Variants in SDCCAG8 observed in about 807,000 individuals in gnomAD.
The protein encoded by SDCCAG8 is SHH signaling and ciliogenesis regulator SDCCAG8.
A neutral mutation model predicts 101.8 loss-of-function variants in SDCCAG8; 74 were observed. That is an observed-to-expected ratio of 0.73 (90% CI 0.60 to 0.88). The LOEUF is 0.88. Ranked by LOEUF, SDCCAG8 falls within the 40% of genes least tolerant of loss-of-function variation. The probability of loss-of-function intolerance (pLI) is 0.00; values close to 1 mark genes in which losing one functional copy is unlikely to be tolerated. For missense variants in SDCCAG8, 787 were observed against 822.6 expected, an observed-to-expected ratio of 0.96 and a Z score of 0.53; for synonymous variants, 281 against 292.9, an observed-to-expected ratio of 0.96 and a Z score of 0.41.
At chr1:243,272,665 T>G (rs2068190773) in intron 3 of SDCCAG8, among the ~76,000 whole-genome samples, 1 of 152,208 alleles carries the variant, frequency 6.6e-6, no homozygotes, top group Non-Finnish European at 1.5e-5. Context: ...AGAATCAGTT[T>G]AGTACATACA....
At chr1:243,282,313 A>G (rs1253364364) in intron 4 of SDCCAG8, among the ~76,000 whole-genome samples, 2 of 152,154 alleles carry the variant, frequency 1.3e-5, no homozygotes, top group Admixed American at 1.3e-4. Context: ...CACTTCTTGA[A>G]TAGTATAAAT....
At chr1:243,460,240 C>T (rs988299059) in intron 16 of SDCCAG8, among the ~76,000 whole-genome samples, 2 of 152,098 alleles carry the variant, frequency 1.3e-5, no homozygotes, top group Admixed American at 1.3e-4. Flanking sequence ...AATATAGAAG[C>T]CTCTATTGAG....
rs76259484 is a variant in SDCCAG8, at chr1:243,456,099, C to G, written c.1985+29541C>G. 5.0e-3 allele frequency among the ~76,000 whole-genome samples: 762 copies of G among 152,214 alleles called. 10 individuals carry two copies. Among genetic ancestry groups the G allele is most frequent in the African/African-American group, 0.017 (719 of 41,526 alleles). ...GTTCAGTCTCCATCATCCTAGTTTT[C>G]TGGATCTTCCAACTCCTTATTCATC... On this transcript the variant is annotated intron_variant, in intron 16 of 17. Transcript: ENST00000366541.
chr1:243,473,070 C>T (rs1017611504), intron 16 of SDCCAG8, among the ~76,000 whole-genome samples: 8 of 151,212 alleles, frequency 5.3e-5, no homozygotes, highest in African/African-American at 1.9e-4. Context: ...ACTTTGTCTT[C>T]CGAGTTTAGG....
intron 16 of SDCCAG8, among the ~76,000 whole-genome samples, chr1:243,432,524 C>A (rs1215251759): frequency 1.1e-4 from 16 of 151,958 alleles, no homozygotes; most frequent in Non-Finnish European, 2.2e-4. Flanking sequence ...TACCCCTGAA[C>A]TTAAAAGTTT....
chr1:243,324,359 G>A (rs536419154), intron 9 of SDCCAG8, among the ~76,000 whole-genome samples: 73 of 151,358 alleles, frequency 4.8e-4, no homozygotes, highest in Middle Eastern at 3.2e-3. Context: ...CAGTTCCCAA[G>A]GTCTTTCTCT....
At chr1:243,323,319 A>C (rs754862169) in intron 9 of SDCCAG8, among the ~76,000 whole-genome samples, 97 of 151,946 alleles carry the variant, frequency 6.4e-4, no homozygotes, top group Non-Finnish European at 5.6e-4. Context: ...CGGATGACCT[A>C]CTTCTCACTT....
Position 243,286,268 on chromosome 1 carries a change from A to G in SDCCAG8, c.421-4A>G. The G allele has an allele frequency of 1.2e-6, 2 of 1,613,888 alleles. No homozygotes were observed. The highest frequency in any genetic ancestry group is 1.7e-6 in the Non-Finnish European group (2 of 1,179,740). On this transcript the variant is annotated splice_polypyrimidine_tract_variant and splice_region_variant and intron_variant, in intron 4 of 17. Transcript: ENST00000366541. ...CTTAATGTGTTTGGTTTTGTTTATT[A>G]TAGGAGGAACTCTCTGGAATGAAAA...
intron 13 of SDCCAG8, among the ~76,000 whole-genome samples, chr1:243,381,199 C>A (rs765354820): frequency 5.3e-5 from 8 of 152,212 alleles, no homozygotes; most frequent in Non-Finnish European, 8.8e-5. Context: ...TCTTTAGAGG[C>A]AAAGAAAATT....
chr1:243,431,633 T>G (rs1331473996), intron 16 of SDCCAG8, among the ~76,000 whole-genome samples: 3 of 152,208 alleles, frequency 2.0e-5, no homozygotes, highest in Non-Finnish European at 4.4e-5. Context: ...AGGGAATTCA[T>G]GTTAAAGATG....
At chr1:243,274,330 G>A (rs3926866) in intron 3 of SDCCAG8, among the ~76,000 whole-genome samples, 1 of 152,124 alleles carries the variant, frequency 6.6e-6, no homozygotes. Context: ...AATGCTGGGG[G>A]CCACATTTCA....
intron 12 of SDCCAG8, among the ~76,000 whole-genome samples, chr1:243,358,526 A>T (rs1392759913): frequency 6.6e-6 from 1 of 152,210 alleles, no homozygotes; most frequent in Non-Finnish European, 1.5e-5. Context: ...ATTTAAAGTC[A>T]TACAGGCTGA....
intron 13 of SDCCAG8, among the ~76,000 whole-genome samples, chr1:243,413,786 C>T (rs185048502): frequency 1.3e-5 from 2 of 152,198 alleles, no homozygotes; most frequent in African/African-American, 2.4e-5. Flanking sequence ...TGGGGATGGT[C>T]TGACAGGGCT....
chr1:243,274,473 C>A (rs767282352), intron 3 of SDCCAG8, 70 bp from the exon 4 acceptor site: 7 of 892,502 alleles, frequency 7.8e-6, no homozygotes, highest in Admixed American at 7.4e-5. Context: ...TTTGCTAAAT[C>A]CAAACATGCT....
chr1:243,408,218 T>G (rs2079922487), intron 13 of SDCCAG8, among the ~76,000 whole-genome samples: 1 of 152,228 alleles, frequency 6.6e-6, no homozygotes, highest in Admixed American at 6.5e-5. Flanking sequence ...CATGAAATGT[T>G]CATTGACCAC....
At chr1:243,288,053 G>C (rs1159170479) in intron 5 of SDCCAG8, among the ~76,000 whole-genome samples, 1 of 152,160 alleles carries the variant, frequency 6.6e-6, no homozygotes, top group Non-Finnish European at 1.5e-5. Flanking sequence ...TATAATGCAG[G>C]TATTGAAATG....
At chr1:243,347,038 T>A (rs2075757518) in intron 12 of SDCCAG8, among the ~76,000 whole-genome samples, 1 of 152,124 alleles carries the variant, frequency 6.6e-6, no homozygotes, top group Non-Finnish European at 1.5e-5. Flanking sequence ...TCCTATTCCA[T>A]CACTCATCAT....
intron 16 of SDCCAG8, among the ~76,000 whole-genome samples, chr1:243,454,247 T>G (rs913307811): frequency 6.6e-6 from 1 of 152,180 alleles, no homozygotes; most frequent in Non-Finnish European, 1.5e-5. Context: ...AGATACTTCT[T>G]TTCATATATA....
chr1:243,337,711 T>A (rs116629663), intron 10 of SDCCAG8, among the ~76,000 whole-genome samples: 3,144 of 152,330 alleles, frequency 0.021, 52 homozygotes, highest in Middle Eastern at 0.034. Flanking sequence ...TTAATAAATT[T>A]TAGCTTGTGG....
Sources: allele counts gnomAD v4.1 joint callset (sites outside exome capture counted in the v4.1 genomes callset), GRCh38; gene constraint gnomAD v4.1.1; transcripts MANE v1.5; gene names NCBI Gene and HGNC (gene_info 2026-07-23, HGNC 2026-07-21).